CCDC102B: variants seen among roughly 807,000 people sequenced by gnomAD.
CCDC102B encodes coiled-coil domain containing 102B.
Under a neutral mutation model 57.4 loss-of-function variants are expected in CCDC102B, and 75 were observed. That is an observed-to-expected ratio of 1.31 (90% CI 1.08 to 1.58). The LOEUF is 1.58. Ranked by LOEUF, CCDC102B falls within the 40% of genes most tolerant of loss-of-function variation. The probability of loss-of-function intolerance (pLI) is 0.00; values close to 1 mark genes in which losing one functional copy is unlikely to be tolerated. For missense variants in CCDC102B, 636 were observed against 582.6 expected (o/e 1.09, Z -0.94); for synonymous variants, 206 against 201.9 (o/e 1.02, Z -0.17).
upstream of CCDC102B, among the ~76,000 whole-genome samples, chr18:68,797,536 C>T (rs17809911): frequency 0.16 from 23,696 of 151,938 alleles, 1,924 homozygotes; most frequent in Admixed American, 0.2. Flanking sequence ...CTGGGCACCC[C>T]GGGGACTACA....
intron 1 of CCDC102B, among the ~76,000 whole-genome samples, chr18:68,809,222 G>A (rs1209871789): frequency 6.6e-6 from 1 of 152,170 alleles, no homozygotes; most frequent in Non-Finnish European, 1.5e-5. Flanking sequence ...GTGGGTGAAA[G>A]CAGCTGGCTT....
chr18:68,818,442 C>T (rs368639065), intron 1 of CCDC102B, among the ~76,000 whole-genome samples: 4 of 152,094 alleles, frequency 2.6e-5, no homozygotes, highest in Admixed American at 1.3e-4. Flanking sequence ...TGCAGCTCAA[C>T]GAACTTTGAA....
At chr18:69,048,082 T>C (rs996320875) in intron 7 of CCDC102B, among the ~76,000 whole-genome samples, 1 of 152,030 alleles carries the variant, frequency 6.6e-6, no homozygotes, top group African/African-American at 2.4e-5. Context: ...AATACTAAAA[T>C]CTAAAATAAT....
chr18:68,750,800 G>T (rs1348010602), intron 2 of CCDC102B, among the ~76,000 whole-genome samples: 1 of 126,394 alleles, frequency 7.9e-6, no homozygotes, highest in Non-Finnish European at 1.6e-5. Flanking sequence ...GGCCTGTCGT[G>T]GGGTGGGGGG....
At chr18:68,970,695 A>G (rs1054418898) in intron 6 of CCDC102B, among the ~76,000 whole-genome samples, 2 of 152,026 alleles carry the variant, frequency 1.3e-5, no homozygotes, top group African/African-American at 2.4e-5. Context: ...TAAATTATAA[A>G]TATACTGACA....
chr18:68,778,107 A>T (rs1428939151), intron 2 of CCDC102B, among the ~76,000 whole-genome samples: 1 of 152,140 alleles, frequency 6.6e-6, no homozygotes, highest in Non-Finnish European at 1.5e-5. Flanking sequence ...GAACAACTTT[A>T]TGACCGTCAG....
At chr18:68,778,340 A>G (rs1157677859) in intron 2 of CCDC102B, among the ~76,000 whole-genome samples, 1 of 152,138 alleles carries the variant, frequency 6.6e-6, no homozygotes, top group Non-Finnish European at 1.5e-5. Context: ...TTAGGAATTC[A>G]TATTTGATTT....
At chr18:68,790,740 A>G (rs962549088) in intron 2 of CCDC102B, among the ~76,000 whole-genome samples, 10 of 152,248 alleles carry the variant, frequency 6.6e-5, no homozygotes, top group South Asian at 2.1e-4. Flanking sequence ...GGCACTCCCT[A>G]GTGAGATGAA....
intron 2 of CCDC102B, among the ~76,000 whole-genome samples, chr18:68,786,562 C>T (rs1324815631): frequency 7.0e-6 from 1 of 142,296 alleles, no homozygotes. Flanking sequence ...AAGTTGGATT[C>T]CTAGGTATTT....
downstream of CCDC102B, among the ~76,000 whole-genome samples, chr18:69,055,510 G>A (rs753684468): frequency 2.0e-5 from 3 of 152,078 alleles, no homozygotes; most frequent in Non-Finnish European, 4.4e-5. Context: ...CCAACTGACT[G>A]AGCAATTCAT....
chr18:68,841,016 C>T (rs2037603755), intron 3 of CCDC102B, among the ~76,000 whole-genome samples: 1 of 152,128 alleles, frequency 6.6e-6, no homozygotes. Flanking sequence ...AGAAACAATC[C>T]CACGGACGTG....
chr18:68,867,513 G>A (rs1355109901), intron 4 of CCDC102B, among the ~76,000 whole-genome samples: 8 of 152,272 alleles, frequency 5.3e-5, no homozygotes, highest in Non-Finnish European at 4.4e-5. Context: ...CTGCCTGTGG[G>A]TTGCTGGCCT....
chr18:68,774,329 A>AT (rs1179552749), intron 2 of CCDC102B, among the ~76,000 whole-genome samples: 1 of 151,686 alleles, frequency 6.6e-6, no homozygotes, highest in Non-Finnish European at 1.5e-5. Flanking sequence ...ATGTATTTAT[A>AT]TACAGTGCAG....
chr18:68,720,256 G>A (rs1190446613), intron 2 of CCDC102B, among the ~76,000 whole-genome samples: 1 of 152,170 alleles, frequency 6.6e-6, no homozygotes, highest in East Asian at 1.9e-4. Context: ...CACTAACACT[G>A]ATCAATCACC....
At chr18:69,022,261 T>C (rs997477695) in intron 7 of CCDC102B, among the ~76,000 whole-genome samples, 12 of 149,964 alleles carry the variant, frequency 8.0e-5, no homozygotes, top group Admixed American at 7.3e-4. Flanking sequence ...CACACACACA[T>C]ATATATGGGC....
At chr18:68,849,081 G>A (rs1046722070) in intron 4 of CCDC102B, among the ~76,000 whole-genome samples, 1 of 151,910 alleles carries the variant, frequency 6.6e-6, no homozygotes. Flanking sequence ...TACTTTCAGA[G>A]ACACAGGCAT....
chr18:69,009,468 T>C (rs1299451523), intron 6 of CCDC102B, among the ~76,000 whole-genome samples: 1 of 152,194 alleles, frequency 6.6e-6, no homozygotes, highest in Non-Finnish European at 1.5e-5. Flanking sequence ...TGACATAAAT[T>C]CGAATTGATG....
intron 6 of CCDC102B, among the ~76,000 whole-genome samples, chr18:68,958,866 CTT>C (rs1331359145): frequency 6.6e-6 from 1 of 152,014 alleles, no homozygotes; most frequent in African/African-American, 2.4e-5. Context: ...ATTTTAACCT[CTT>C]TGTTAAATTT....
At chr18:68,764,889 A>T (rs1274647526) in intron 2 of CCDC102B, among the ~76,000 whole-genome samples, 1 of 127,942 alleles carries the variant, frequency 7.8e-6, no homozygotes, top group African/African-American at 3.7e-5. Flanking sequence ...AATAATGATA[A>T]AAAAAAAAAT....
Sources: allele counts gnomAD v4.1 joint callset (sites outside exome capture counted in the v4.1 genomes callset), GRCh38; gene constraint gnomAD v4.1.1; transcripts MANE v1.5; gene names NCBI Gene and HGNC (gene_info 2026-07-23, HGNC 2026-07-21).